Variants in HOMER1 observed in about 807,000 individuals in gnomAD.
HOMER1 encodes homer protein homolog 1.
A neutral mutation model predicts 48.9 loss-of-function variants in HOMER1; 3 were observed. The ratio of observed to expected loss-of-function variants is 0.06; its 90% confidence interval spans 0.03 to 0.16. The LOEUF (loss-of-function observed/expected upper bound fraction) is 0.16. Among genes scored for constraint, HOMER1 ranks in the 10% least tolerant of loss-of-function variants. The pLI, the probability that HOMER1 is intolerant of heterozygous loss-of-function variation, is 1.00. For missense variants in HOMER1, 247 were observed against 411.4 expected (o/e 0.60, Z 3.46); for synonymous variants, 134 against 146.4 (o/e 0.92, Z 0.61).
intron 1 of HOMER1, among the ~76,000 whole-genome samples, chr5:79,493,663 C>T (rs1752348364): frequency 6.6e-6 from 1 of 152,212 alleles, no homozygotes; most frequent in Admixed American, 6.5e-5. Flanking sequence ...TGAAGGTTAA[C>T]TCCTCCATCT....
intron 6 of HOMER1, among the ~76,000 whole-genome samples, chr5:79,399,248 C>A (rs1749473075): frequency 6.6e-6 from 1 of 152,210 alleles, no homozygotes; most frequent in Non-Finnish European, 1.5e-5. Flanking sequence ...ATTTCCACAT[C>A]TTTTTGCCTG....
At chr5:79,426,056 A>G (rs1750239862) in intron 5 of HOMER1, among the ~76,000 whole-genome samples, 1 of 152,136 alleles carries the variant, frequency 6.6e-6, no homozygotes, top group South Asian at 2.1e-4. Flanking sequence ...AAAAAAAAAA[A>G]AACCCTTTAG....
chr5:79,379,181 T>TA (rs1748876349), intron 8 of HOMER1, among the ~76,000 whole-genome samples: 2 of 104,718 alleles, frequency 1.9e-5, no homozygotes, highest in African/African-American at 7.6e-5. Flanking sequence ...TTATATATAT[T>TA]TTTATATATC....
intron 8 of HOMER1, 82 bp from the exon 9 acceptor site, chr5:79,376,279 G>A: frequency 5.0e-6 from 5 of 999,694 alleles, no homozygotes; most frequent in Non-Finnish European, 7.4e-6. Context: ...TACCAATATT[G>A]CGGTAATCAA....
At chr5:79,401,623 TA>T (rs1749538633) in intron 6 of HOMER1, among the ~76,000 whole-genome samples, 1 of 152,192 alleles carries the variant, frequency 6.6e-6, no homozygotes, top group African/African-American at 2.4e-5. Flanking sequence ...ACTAATACAT[TA>T]GTGCTTTTAT....
intron 5 of HOMER1, among the ~76,000 whole-genome samples, chr5:79,428,156 T>A (rs972085800): frequency 8.5e-5 from 13 of 152,302 alleles, no homozygotes; most frequent in Admixed American, 8.5e-4. Context: ...TAAGAAAGCA[T>A]ATTGCTCTAT....
At chr5:79,491,912 T>A (rs1324297771) in intron 1 of HOMER1, among the ~76,000 whole-genome samples, 1 of 152,194 alleles carries the variant, frequency 6.6e-6, no homozygotes, top group Non-Finnish European at 1.5e-5. Context: ...CTAAGTAACT[T>A]GCCCAAGATT....
chr5:79,491,787 G>A (rs1752286231), intron 1 of HOMER1, among the ~76,000 whole-genome samples: 1 of 152,202 alleles, frequency 6.6e-6, no homozygotes, highest in Middle Eastern at 3.2e-3. Context: ...AAGCTACTAT[G>A]TGAAATAAAC....
rs1748748899 is a variant in HOMER1, at chr5:79,375,569, G to A, written c.*440C>T. 6.6e-6 allele frequency: 1 copy of A among 152,288 alleles called. No individual in the cohort carries two copies. Among genetic ancestry groups the A allele is most frequent in the Non-Finnish European group, 1.5e-5 (1 of 68,160 alleles). 9.4% of individuals were successfully genotyped at this position (152,288 alleles called of 1,614,324 possible). On this transcript the variant is annotated 3_prime_UTR_variant, in exon 9 of 9. Coordinates refer to ENST00000334082, the MANE Select transcript of HOMER1 (RefSeq NM_004272.5). ...TTATTCAGATTACAACAAAAGACAGGCTTTCATCACTAAGTTTTTGCACAA... is the reference window on the plus strand; with the variant it reads ...TTATTCAGATTACAACAAAAGACAGACTTTCATCACTAAGTTTTTGCACAA...
intron 1 of HOMER1, among the ~76,000 whole-genome samples, chr5:79,492,265 G>A (rs1049335072): frequency 2.6e-5 from 4 of 152,082 alleles, no homozygotes; most frequent in African/African-American, 9.7e-5. Flanking sequence ...TCCACATTGA[G>A]GCTGTAATAG....
intron 8 of HOMER1, among the ~76,000 whole-genome samples, chr5:79,396,345 T>A (rs1382204122): frequency 1.3e-5 from 2 of 151,952 alleles, no homozygotes; most frequent in East Asian, 3.9e-4. Context: ...GAAATCAATT[T>A]GCAAATTTTT....
intron 1 of HOMER1, among the ~76,000 whole-genome samples, chr5:79,497,662 GA>G (rs1212983044): frequency 0.077 from 5,667 of 73,310 alleles, 115 homozygotes; most frequent in Middle Eastern, 0.16. Flanking sequence ...CTGTCTCAAA[GA>G]AAAAAAAAAA....
At chr5:79,387,878 C>G (rs565919303) in intron 8 of HOMER1, among the ~76,000 whole-genome samples, 3 of 152,288 alleles carry the variant, frequency 2.0e-5, no homozygotes, top group Admixed American at 2.0e-4. Context: ...AATTCCATGA[C>G]TTCGACATAA....
intron 5 of HOMER1, among the ~76,000 whole-genome samples, chr5:79,429,230 CCTATAATCCCAGCTA>C (rs1750353687): frequency 6.6e-6 from 1 of 152,062 alleles, no homozygotes; most frequent in Non-Finnish European, 1.5e-5. Context: ...GTGGCGCATG[CCTATAATCCCAGCTA>C]CTCGGGAGGC....
intron 4 of HOMER1, among the ~76,000 whole-genome samples, chr5:79,444,734 T>C (rs545696316): frequency 3.3e-5 from 5 of 152,310 alleles, no homozygotes; most frequent in African/African-American, 1.2e-4. Context: ...GAGTACTCTT[T>C]TACTGAATGT....
chr5:79,383,386 CTTTT>C (rs200444325), intron 8 of HOMER1, among the ~76,000 whole-genome samples: 7 of 139,894 alleles, frequency 5.0e-5, no homozygotes, highest in African/African-American at 1.3e-4. Flanking sequence ...TACAGAACAT[CTTTT>C]TTTTTTTTTT....
intron 1 of HOMER1, among the ~76,000 whole-genome samples, chr5:79,504,350 T>C (rs945976219): frequency 5.5e-5 from 8 of 144,390 alleles, no homozygotes; most frequent in Middle Eastern, 3.7e-3. Context: ...TTAAAAGCCA[T>C]GAGACAGTGA....
intron 1 of HOMER1, among the ~76,000 whole-genome samples, chr5:79,509,153 T>G (rs1752863220): frequency 1.3e-5 from 2 of 152,176 alleles, no homozygotes; most frequent in Admixed American, 6.5e-5. Flanking sequence ...TGGGCTGCAA[T>G]GTAGCAGCAC....
chr5:79,385,078 C>T (rs555096048), intron 8 of HOMER1, among the ~76,000 whole-genome samples: 1 of 152,074 alleles, frequency 6.6e-6, no homozygotes, highest in South Asian at 2.1e-4. Flanking sequence ...GGGTGAGACC[C>T]CTACCTCTCA....
Sources: allele counts gnomAD v4.1 joint callset (sites outside exome capture counted in the v4.1 genomes callset), GRCh38; gene constraint gnomAD v4.1.1; transcripts MANE v1.5; gene names NCBI Gene and HGNC (gene_info 2026-07-23, HGNC 2026-07-21).